The following DNAH6 variants were observed in gnomAD, a reference collection of about 807,000 sequenced individuals.
The protein encoded by DNAH6 is axonemal beta dynein heavy chain 6.
DNAH6 carries 340 observed loss-of-function variants against 491.4 expected under a neutral mutation model. The observed-to-expected ratio is 0.69, with a 90% CI of 0.63 to 0.76. The LOEUF (loss-of-function observed/expected upper bound fraction) is 0.76, where lower values mean the gene tolerates loss of function less well. DNAH6 is among the 30% of genes least tolerant of loss of function. The pLI, the probability that DNAH6 is intolerant of heterozygous loss-of-function variation, is 0.00. For synonymous variants in DNAH6, 1,603 were observed against 1,686.1 expected (o/e 0.95, Z 1.21); for missense variants, 4,443 against 4,972.2 (o/e 0.89, Z 3.20).
At chr2:84,687,398 T>A (rs1479663927) in intron 44 of DNAH6, among the ~76,000 whole-genome samples, 1 of 152,170 alleles carries the variant, frequency 6.6e-6, no homozygotes, top group Non-Finnish European at 1.5e-5. Flanking sequence ...TCTCAATCAA[T>A]GCTGGTTCAA....
intron 64 of DNAH6, among the ~76,000 whole-genome samples, chr2:84,772,513 T>C (rs748564335): frequency 6.6e-6 from 1 of 151,764 alleles, no homozygotes; most frequent in African/African-American, 2.4e-5. Flanking sequence ...TATAATAATA[T>C]CAGGAAAAAA....
chr2:84,761,904 T>G (rs948257073), intron 63 of DNAH6, among the ~76,000 whole-genome samples: 3 of 152,172 alleles, frequency 2.0e-5, no homozygotes, highest in African/African-American at 7.2e-5. Context: ...TTATGCAGGA[T>G]GTCCACTGAA....
At chr2:84,693,679 C>T (rs961135530) in intron 45 of DNAH6, among the ~76,000 whole-genome samples, 44 of 150,660 alleles carry the variant, frequency 2.9e-4, no homozygotes, top group African/African-American at 1.1e-3. Flanking sequence ...GAGGTTGCAG[C>T]GAGCCGAGAT....
chr2:84,635,996 C>G (rs1688846748), intron 30 of DNAH6, among the ~76,000 whole-genome samples: 1 of 152,154 alleles, frequency 6.6e-6, no homozygotes, highest in South Asian at 2.1e-4. Context: ...AGAATCTAAG[C>G]CATCACCAAG....
chr2:84,674,640 G>T (rs995901092), intron 40 of DNAH6, among the ~76,000 whole-genome samples: 7 of 152,134 alleles, frequency 4.6e-5, no homozygotes, highest in Non-Finnish European at 1.0e-4. Flanking sequence ...GCAGTCTTTT[G>T]CATATAAGGC....
At chr2:84,733,310 C>T in intron 61 of DNAH6, 134 bp from the exon 62 acceptor site, 1 of 675,522 alleles carries the variant, frequency 1.5e-6, no homozygotes, top group Non-Finnish European at 2.5e-6. Flanking sequence ...TCTATTTCAC[C>T]ATATTGTACT....
At chr2:84,593,931 T>C in intron 16 of DNAH6, 41 bp from the exon 17 acceptor site, 1 of 1,250,108 alleles carries the variant, frequency 8.0e-7, no homozygotes, top group Non-Finnish European at 1.1e-6. Context: ...TCATTATATC[T>C]GAAAACTAAA....
chr2:84,711,393 A>T (rs1383308829), intron 56 of DNAH6, among the ~76,000 whole-genome samples: 1 of 152,238 alleles, frequency 6.6e-6, no homozygotes, highest in Non-Finnish European at 1.5e-5. Context: ...GTTGAGTCTC[A>T]GTTTAACCGT....
At chr2:84,677,607 A>G (rs1185244023) in intron 41 of DNAH6, among the ~76,000 whole-genome samples, 3 of 152,214 alleles carry the variant, frequency 2.0e-5, no homozygotes, top group African/African-American at 7.2e-5. Flanking sequence ...TAAGAATGAT[A>G]ACCTATCTTT....
At chr2:84,733,389 A>G in intron 61 of DNAH6, 55 bp from the exon 62 acceptor site, 1 of 1,479,038 alleles carries the variant, frequency 6.8e-7, no homozygotes, top group Non-Finnish European at 9.2e-7. Flanking sequence ...ACAAAGTGAA[A>G]GTATATTTTG....
In DNAH6 at chr2:84,726,279, A is replaced by G. The variant is rs145804682; in HGVS notation, c.9973-1390A>G. On this transcript the variant is annotated intron_variant, in intron 60 of 76. Transcript: ENST00000389394. ...TATATCTTGATCCCAGGGATTGGGC[A>G]GGTACTACCTCACCTCCCACCTTTG... is the stretch of plus-strand genomic sequence containing the variant. Among the ~76,000 whole-genome samples, 41 of 152,272 alleles carry G rather than the reference A, an allele frequency of 2.7e-4. No individual in the cohort carries two copies. In the East Asian group the frequency reaches 7.7e-3, roughly 29 times the overall value.
intron 15 of DNAH6, 93 bp downstream of exon 15, chr2:84,584,343 T>A: frequency 8.0e-7 from 1 of 1,248,316 alleles, no homozygotes; most frequent in Non-Finnish European, 1.1e-6. Flanking sequence ...AAAAATTGTA[T>A]ATATTTACAA....
At chr2:84,670,279 T>C in intron 38 of DNAH6, 49 bp from the exon 39 acceptor site, 1 of 1,278,016 alleles carries the variant, frequency 7.8e-7, no homozygotes, top group South Asian at 1.4e-5. Context: ...CAGATATAAC[T>C]GAAAGAGGTT....
intron 70 of DNAH6, among the ~76,000 whole-genome samples, chr2:84,799,406 G>T (rs745559129): frequency 8.5e-5 from 13 of 152,236 alleles, no homozygotes; most frequent in Non-Finnish European, 1.3e-4. Context: ...CTTGGGACAA[G>T]CCTAGCTGGT....
intron 29 of DNAH6, among the ~76,000 whole-genome samples, chr2:84,629,960 A>G (rs1432015346): frequency 6.6e-6 from 1 of 152,230 alleles, no homozygotes; most frequent in Non-Finnish European, 1.5e-5. Context: ...AAAACACATA[A>G]AACATTTTTA....
chr2:84,532,005 A>T (rs2104462177), intron 4 of DNAH6, among the ~76,000 whole-genome samples: 1 of 152,256 alleles, frequency 6.6e-6, no homozygotes, highest in South Asian at 2.1e-4. Context: ...ATGTTTTCAT[A>T]GTTTTCTCTT....
chr2:84,683,724 A>G (rs905616310), intron 42 of DNAH6, among the ~76,000 whole-genome samples: 1 of 152,042 alleles, frequency 6.6e-6, no homozygotes, highest in Non-Finnish European at 1.5e-5. Context: ...CGCCCGGCCA[A>G]TATTTTTTTT....
At chr2:84,744,275 G>C (rs1354248243) in intron 62 of DNAH6, among the ~76,000 whole-genome samples, 1 of 152,164 alleles carries the variant, frequency 6.6e-6, no homozygotes, top group South Asian at 2.1e-4. Context: ...CAAGAAACCT[G>C]TTTCCTTACT....
At chr2:84,651,665 A>G (rs1189186071) in intron 33 of DNAH6, among the ~76,000 whole-genome samples, 3 of 152,036 alleles carry the variant, frequency 2.0e-5, no homozygotes, top group African/African-American at 7.2e-5. Flanking sequence ...AAAAAGACAC[A>G]AGGGACTAGT....
Sources: gnomAD v4.1 joint callset for allele counts (sites outside exome capture counted in the v4.1 genomes callset) on GRCh38, gnomAD v4.1.1 for gene constraint, MANE v1.5 for transcripts, NCBI Gene and HGNC (gene_info 2026-07-23, HGNC 2026-07-21) for gene names.